Variants in MFSD11 observed in about 807,000 individuals in gnomAD.
MFSD11 encodes UNC93-like protein MFSD11.
A neutral mutation model predicts 53.5 loss-of-function variants in MFSD11; 36 were observed. The observed-to-expected ratio is 0.67, with a 90% CI of 0.52 to 0.89. The LOEUF (loss-of-function observed/expected upper bound fraction) is 0.89. Among genes scored for constraint, MFSD11 ranks in the 40% least tolerant of loss-of-function variants. MFSD11 has a pLI of 0.00. For synonymous variants in MFSD11, 186 were observed against 184.9 expected (o/e 1.01, Z -0.05); for missense variants, 530 against 543.9 (o/e 0.97, Z 0.25).
At chr17:76,751,311 A>G (rs1159040612) in intron 7 of MFSD11, among the ~76,000 whole-genome samples, 9 of 150,490 alleles carry the variant, frequency 6.0e-5, no homozygotes, top group Non-Finnish European at 4.4e-5. Context: ...AATGGCGTGA[A>G]CCTGGGAGGT....
At chr17:76,739,470 G>A (rs1162338993) in intron 2 of MFSD11, among the ~76,000 whole-genome samples, 3 of 152,054 alleles carry the variant, frequency 2.0e-5, no homozygotes, top group African/African-American at 7.2e-5. Flanking sequence ...TTTACAGATG[G>A]GTAAAATGAA....
intron 8 of MFSD11, among the ~76,000 whole-genome samples, chr17:76,762,766 A>G (rs2080404894): frequency 1.3e-5 from 2 of 152,114 alleles, no homozygotes; most frequent in South Asian, 2.1e-4. Context: ...GGTAATTGAC[A>G]TCGTGGACTT....
the MFSD11 span, among the ~76,000 whole-genome samples, chr17:76,787,788 A>G: frequency 4.7e-5 from 7 of 149,736 alleles, no homozygotes; most frequent in Non-Finnish European, 5.9e-5. Context: ...ACCGGGGAAA[A>G]AAGGTCAGCT....
chr17:76,773,656 G>A (rs948669904), intron 10 of MFSD11, among the ~76,000 whole-genome samples: 2 of 152,072 alleles, frequency 1.3e-5, no homozygotes, highest in South Asian at 4.2e-4. Context: ...GTTGCCAGGC[G>A]GAGTGCAGTG....
chr17:76,744,229 G>C (rs1598497783), intron 6 of MFSD11, 93 bp from the exon 7 acceptor site: 2 of 1,196,770 alleles, frequency 1.7e-6, no homozygotes, highest in East Asian at 2.7e-5. Flanking sequence ...TAACGAGGAA[G>C]TGTGTTGACA....
chr17:76,738,470 C>G (rs1175039448), intron 1 of MFSD11, 22 bp downstream of exon 1: 1 of 1,566,886 alleles, frequency 6.4e-7, no homozygotes, highest in Admixed American at 1.7e-5. Flanking sequence ...TCTGTCCTCC[C>G]TCCTTTGAAG....
chr17:76,740,293 G>A (rs891516918), intron 2 of MFSD11, among the ~76,000 whole-genome samples: 1 of 152,052 alleles, frequency 6.6e-6, no homozygotes, highest in South Asian at 2.1e-4. Context: ...TGAATTCAGG[G>A]CCTTTGAAAT....
At chr17:76,799,779 T>G in the MFSD11 span, among the ~76,000 whole-genome samples, 4 of 152,062 alleles carry the variant, frequency 2.6e-5, no homozygotes, top group African/African-American at 9.6e-5. Flanking sequence ...TGCCCAAAGC[T>G]TAAAGCTTAC....
chr17:76,771,366 C>T (rs549668777), intron 10 of MFSD11, among the ~76,000 whole-genome samples: 8 of 152,308 alleles, frequency 5.3e-5, no homozygotes, highest in South Asian at 2.1e-4. Flanking sequence ...TTATGCTCCA[C>T]GAGTTATTCT....
intron 3 of MFSD11, 130 bp downstream of exon 3, chr17:76,741,194 T>A (rs1187508108): frequency 7.7e-6 from 5 of 648,736 alleles, no homozygotes; most frequent in Non-Finnish European, 1.4e-5. Context: ...GAATTTTGGC[T>A]CAGTACTTGT....
chr17:76,751,162 G>A (rs1397300800), intron 7 of MFSD11, among the ~76,000 whole-genome samples: 3 of 151,052 alleles, frequency 2.0e-5, no homozygotes, highest in Non-Finnish European at 4.4e-5. Context: ...AGGCCGAGGC[G>A]GGCGGGTCAC....
the MFSD11 span, among the ~76,000 whole-genome samples, chr17:76,790,131 G>C: frequency 1.4e-5 from 2 of 143,440 alleles, no homozygotes; most frequent in African/African-American, 5.2e-5. Flanking sequence ...GCCCAGGCTA[G>C]AGTGCAGTGG....
chr17:76,776,325 CT>C lies in MFSD11; in HGVS notation c.1050-77del, dbSNP rs2081832557. 2.0e-6 allele frequency: 3 copies of C among 1,465,568 alleles called. No homozygotes were observed. The highest frequency in any genetic ancestry group is 1.4e-5 in the African/African-American group (1 of 69,960). 90.8% of individuals were successfully genotyped at this position (1,465,568 alleles called of 1,614,324 possible). Reference sequence around the variant, plus strand: ...GTGTTTACAACTTGCAGGTAGAATTCTTTTGTGGGTGGGTTGCTTGTATATT... The same window carrying C: ...GTGTTTACAACTTGCAGGTAGAATTCTTTGTGGGTGGGTTGCTTGTATATT... On this transcript the variant is annotated intron_variant, in intron 11 of 12. Coordinates refer to ENST00000685175, the MANE Select transcript of MFSD11 (RefSeq NM_001242532.5). This position sits in a 1 kb window ranked among gnomAD's most constrained non-coding sequence, Gnocchi z 4.2.
At chr17:76,769,280 G>A (rs2081169822) in intron 9 of MFSD11, 1 of 154,116 alleles carries the variant, frequency 6.5e-6, no homozygotes, top group Non-Finnish European at 1.4e-5. Flanking sequence ...AGTTCTGGAG[G>A]CTGGGAAGTC....
the MFSD11 span, among the ~76,000 whole-genome samples, chr17:76,794,620 C>T: frequency 7.1e-4 from 81 of 114,560 alleles, 2 homozygotes; most frequent in African/African-American, 2.4e-3. Flanking sequence ...TCAACCTTGG[C>T]GACAGAGCAA....
the MFSD11 span, among the ~76,000 whole-genome samples, chr17:76,793,058 A>T: frequency 2.6e-5 from 4 of 151,654 alleles, no homozygotes; most frequent in South Asian, 8.3e-4. Context: ...AGGCAAATGG[A>T]GGCAGGGCGA....
At chr17:76,800,381 A>T in the MFSD11 span, among the ~76,000 whole-genome samples, 9 of 152,176 alleles carry the variant, frequency 5.9e-5, no homozygotes, top group Admixed American at 5.9e-4. Context: ...AGTGTCCAGT[A>T]AGGAATCACT....
At chr17:76,741,866 A>G (rs1205514976) in intron 3 of MFSD11, 103 bp from the exon 4 acceptor site, 22 of 1,558,926 alleles carry the variant, frequency 1.4e-5, no homozygotes, top group Non-Finnish European at 1.8e-5. Context: ...TTACAGGTTG[A>G]GTTTTAAAAG....
intron 10 of MFSD11, among the ~76,000 whole-genome samples, chr17:76,770,713 T>G (rs1392702832): frequency 6.6e-6 from 1 of 152,108 alleles, no homozygotes; most frequent in Non-Finnish European, 1.5e-5. Context: ...CTCACAGAAC[T>G]CAGGAAAATG....
Sources: allele counts gnomAD v4.1 joint callset (sites outside exome capture counted in the v4.1 genomes callset), GRCh38; gene constraint gnomAD v4.1.1; non-coding constraint Gnocchi (gnomAD v3.1); transcripts MANE v1.5; gene names NCBI Gene and HGNC (gene_info 2026-07-23, HGNC 2026-07-21).